DPF3: variants seen among roughly 807,000 people sequenced by gnomAD.
DPF3 encodes zinc finger protein DPF3.
Under a neutral mutation model 56.8 loss-of-function variants are expected in DPF3, and 18 were observed. The observed-to-expected ratio is 0.32, with a 90% CI of 0.22 to 0.47. The LOEUF (loss-of-function observed/expected upper bound fraction) is 0.47. DPF3 is among the 20% of genes least tolerant of loss of function. The pLI, the probability that DPF3 is intolerant of heterozygous loss-of-function variation, is 1.00. For missense variants in DPF3, 403 were observed against 488.8 expected (o/e 0.82, Z 1.65); for synonymous variants, 188 against 180.2 (o/e 1.04, Z -0.35).
Position 72,619,347 on chromosome 14 carries a change from A to T in DPF3, c.1087T>A (p.Cys363Ser). ...GCTTTCTCTTTGAGCAGTTCCCAGC[A>T]TAAGTGGCAGCTCCAGCTTCCTGCA... ...PPEGSWSCHL[C>S]WELLKEKASA... The change falls in exon 11 of 11, where the codon TGC (cysteine) becomes AGC (serine). Residue 363 changes from cysteine (C) to serine (S), a missense_variant. Cys to Ser is a moderately radical substitution (Grantham distance 112). Transcript: ENST00000556509. The T allele has an allele frequency of 6.5e-7, 1 of 1,536,168 alleles. No individual in the cohort carries two copies. Among genetic ancestry groups the T allele is most frequent in the Non-Finnish European group, 8.7e-7 (1 of 1,146,912 alleles).
At chr14:72,892,294 G>C in intron 1 of DPF3, 2 of 1,535,462 alleles carry the variant, frequency 1.3e-6, no homozygotes, top group Non-Finnish European at 1.7e-6. Context: ...GAAAGCAACC[G>C]GCAGCGAGGA....
intron 2 of DPF3, among the ~76,000 whole-genome samples, chr14:72,756,898 AAAAGAAAAAAAG>A (rs1321862504): frequency 2.3e-5 from 1 of 42,852 alleles, no homozygotes; most frequent in East Asian, 6.2e-4. Context: ...AGAAAGAAAG[AAAAGAAAAAAAG>A]AAAGAAAGAA....
chr14:72,681,076 C>T (rs1302028875), intron 7 of DPF3, among the ~76,000 whole-genome samples: 1 of 152,218 alleles, frequency 6.6e-6, no homozygotes, highest in Non-Finnish European at 1.5e-5. Context: ...CCATGTCCTT[C>T]ACTGCGGTAT....
intron 1 of DPF3, among the ~76,000 whole-genome samples, chr14:72,795,738 AG>A (rs1022735234): frequency 1.3e-5 from 2 of 152,194 alleles, no homozygotes; most frequent in African/African-American, 4.8e-5. Flanking sequence ...GAGCCCCAGC[AG>A]AGACAACCAA....
intron 7 of DPF3, among the ~76,000 whole-genome samples, chr14:72,687,252 G>T (rs565426684): frequency 2.1e-4 from 32 of 152,204 alleles, no homozygotes; most frequent in Admixed American, 7.2e-4. Flanking sequence ...GAACCTAGAA[G>T]AACCCATCTT....
chr14:72,890,702 T>A (rs1423826604), intron 1 of DPF3, among the ~76,000 whole-genome samples: 1 of 152,162 alleles, frequency 6.6e-6, no homozygotes, highest in Non-Finnish European at 1.5e-5. Context: ...ACAATGTAGC[T>A]GCTAAATTAA....
At chr14:72,626,895 G>T (rs1459311683) in intron 9 of DPF3, among the ~76,000 whole-genome samples, 3 of 150,710 alleles carry the variant, frequency 2.0e-5, no homozygotes, top group African/African-American at 4.9e-5. Context: ...TGATATCTCA[G>T]CTTTGAGTTT....
rs574437107 is a variant in DPF3, at chr14:72,745,118, G to A, written c.301+8146C>T. 2.0e-3 allele frequency among the ~76,000 whole-genome samples: 295 copies of A among 151,270 alleles called. 2 individuals carry two copies. Among genetic ancestry groups the A allele is most frequent in the Middle Eastern group, 3.4e-3 (1 of 294 alleles). ...GGGTGTGGAGGGGCACCATGGGTGG[G>A]TGGGTTGGTTGGTTGGGTTCTTTCC... On this transcript the variant is annotated intron_variant, in intron 3 of 10. Coordinates refer to ENST00000556509, the MANE Select transcript of DPF3 (RefSeq NM_001280542.3).
intron 1 of DPF3, among the ~76,000 whole-genome samples, chr14:72,887,257 G>C (rs1488811321): frequency 3.9e-5 from 6 of 151,956 alleles, no homozygotes; most frequent in Non-Finnish European, 7.4e-5. Context: ...CAAAAACTGA[G>C]TGCTTATCCA....
chr14:72,700,351 T>C (rs1397424703), intron 6 of DPF3, among the ~76,000 whole-genome samples: 2 of 152,178 alleles, frequency 1.3e-5, no homozygotes, highest in Non-Finnish European at 2.9e-5. Flanking sequence ...ATTCTTAATA[T>C]TTATTGAACA....
At chr14:72,755,495 C>G (rs926111317) in intron 2 of DPF3, among the ~76,000 whole-genome samples, 3 of 152,192 alleles carry the variant, frequency 2.0e-5, no homozygotes, top group Non-Finnish European at 4.4e-5. Context: ...CATCCTAACA[C>G]CTTTCTGAGC....
intron 1 of DPF3, chr14:72,773,774 C>A (rs1426512014): frequency 2.2e-6 from 1 of 452,924 alleles, no homozygotes; most frequent in South Asian, 1.6e-5. Context: ...CAGGGTTAAC[C>A]TATATTATAG....
rs1024483456 is a variant in DPF3, at chr14:72,848,473, C to T, written c.32+45584G>A. Among the ~76,000 whole-genome samples the T allele has an allele frequency of 5.3e-5, 8 of 152,140 alleles. No homozygotes were observed. In the South Asian group the frequency reaches 1.2e-3, roughly 24 times the overall value. On this transcript the variant is annotated intron_variant, in intron 1 of 10. Coordinates refer to ENST00000556509, the MANE Select transcript of DPF3 (RefSeq NM_001280542.3). Reference sequence around the variant, plus strand: ...AGCCACTGTACCTAGACTTATGTAGCCATTCTATTTGGGGACCTCTTTGTT... The same window carrying T: ...AGCCACTGTACCTAGACTTATGTAGTCATTCTATTTGGGGACCTCTTTGTT...
At chr14:72,655,148 A>T (rs1480704918) in intron 8 of DPF3, among the ~76,000 whole-genome samples, 1 of 152,216 alleles carries the variant, frequency 6.6e-6, no homozygotes, top group African/African-American at 2.4e-5. Context: ...CACGTGCTAA[A>T]TGTGGTACAA....
chr14:72,712,048 G>A (rs1369993963), intron 6 of DPF3, among the ~76,000 whole-genome samples: 1 of 151,928 alleles, frequency 6.6e-6, no homozygotes, highest in Non-Finnish European at 1.5e-5. Context: ...TTTCCAAAGA[G>A]AGCCAGAACA....
intron 3 of DPF3, among the ~76,000 whole-genome samples, chr14:72,747,599 G>A (rs1275639805): frequency 1.3e-5 from 2 of 148,560 alleles, no homozygotes; most frequent in South Asian, 4.3e-4. Context: ...ACCAGGCTGG[G>A]CAACATAGTG....
intron 1 of DPF3, among the ~76,000 whole-genome samples, chr14:72,875,095 C>T (rs1843441622): frequency 6.6e-6 from 1 of 152,166 alleles, no homozygotes; most frequent in Non-Finnish European, 1.5e-5. Context: ...TCTTGTGAGA[C>T]TTATTCACTA....
chr14:72,794,056 T>C (rs1405531120), intron 1 of DPF3, among the ~76,000 whole-genome samples: 3 of 152,168 alleles, frequency 2.0e-5, no homozygotes, highest in Non-Finnish European at 4.4e-5. Flanking sequence ...AGCGCTTCAG[T>C]GAAAGGCTGG....
intron 7 of DPF3, among the ~76,000 whole-genome samples, chr14:72,692,686 T>C (rs569108948): frequency 6.6e-6 from 1 of 152,270 alleles, no homozygotes; most frequent in East Asian, 1.9e-4. Context: ...AAGCAGGCAT[T>C]TCGAATGTGT....
Sources: allele counts gnomAD v4.1 joint callset (sites outside exome capture counted in the v4.1 genomes callset), GRCh38; gene constraint gnomAD v4.1.1; transcripts MANE v1.5; gene names NCBI Gene and HGNC (gene_info 2026-07-23, HGNC 2026-07-21).